CHERP: variants seen among roughly 807,000 people sequenced by gnomAD.
The protein encoded by CHERP is ERPROT 213-21.
A neutral mutation model predicts 113.8 loss-of-function variants in CHERP; 8 were observed. The observed-to-expected ratio is 0.07, with a 90% CI of 0.04 to 0.13. The LOEUF is 0.13. CHERP is among the 10% of genes least tolerant of loss of function. CHERP has a pLI of 1.00. For missense variants in CHERP, 884 were observed against 1,298.2 expected, an observed-to-expected ratio of 0.68 and a Z score of 4.90; for synonymous variants, 559 against 524.5, an observed-to-expected ratio of 1.07 and a Z score of -0.90.
chr19:16,530,513 C>T lies in CHERP; in HGVS notation c.876+72G>A, dbSNP rs555643892. Reference sequence around the variant, plus strand: ...GCTGCTGGGGTGGCAGCTGCTGTCCCCACACTCCCAAACCCTCCTGGGGAA... The same window carrying T: ...GCTGCTGGGGTGGCAGCTGCTGTCCTCACACTCCCAAACCCTCCTGGGGAA... On this transcript the variant is annotated intron_variant, in intron 7 of 16. Coordinates refer to ENST00000546361, the MANE Select transcript of CHERP (RefSeq NM_006387.6). This position sits in a 1 kb window ranked among gnomAD's most constrained non-coding sequence, Gnocchi z 4.1. 44 of 1,435,506 alleles carry T rather than the reference C, an allele frequency of 3.1e-5. No individual in the cohort carries two copies. In the East Asian group the frequency reaches 9.6e-4, roughly 31 times the overall value. 88.9% of individuals were successfully genotyped at this position (1,435,506 alleles called of 1,614,324 possible).
intron 2 of CHERP, among the ~76,000 whole-genome samples, chr19:16,538,415 T>C (rs2085755488): frequency 6.6e-6 from 1 of 152,224 alleles, no homozygotes; most frequent in South Asian, 2.1e-4. Context: ...CTGGGTACGA[T>C]GGCTCACGCC....
chr19:16,520,928 T>G lies in CHERP; in HGVS notation c.2115-16A>C, dbSNP rs774646777. ...CCAGCCTTCACTGTAAGACACGGCATTCCGTGTGTGACCACGTGACACCCA... is the reference window on the plus strand; with the variant it reads ...CCAGCCTTCACTGTAAGACACGGCAGTCCGTGTGTGACCACGTGACACCCA... On this transcript the variant is annotated splice_polypyrimidine_tract_variant and intron_variant, in intron 12 of 16. Coordinates refer to ENST00000546361, the MANE Select transcript of CHERP (RefSeq NM_006387.6). The surrounding 1 kb of genome is among the most constrained non-coding windows in gnomAD (Gnocchi z 4.0). 3 of 1,611,440 alleles carry G rather than the reference T, an allele frequency of 1.9e-6. No homozygotes were observed. The Admixed American group carries it at 5.0e-5, about 27-fold the overall frequency.
chr19:16,521,023 G>A (rs958791244), intron 12 of CHERP, 111 bp from the exon 13 acceptor site: 4 of 922,034 alleles, frequency 4.3e-6, no homozygotes, highest in Non-Finnish European at 7.0e-6. Context: ...ATGGCCCTGT[G>A]GCTGTGGGCT....
At chr19:16,521,768 C>A in intron 11 of CHERP, 114 bp from the exon 12 acceptor site, 1 of 1,014,248 alleles carries the variant, frequency 9.9e-7, no homozygotes, top group East Asian at 3.0e-5. Context: ...CAAGGGTACC[C>A]TGGGCACCAG....
At chr19:16,541,354 C>G (rs1355842284) in intron 2 of CHERP, 1 of 152,524 alleles carries the variant, frequency 6.6e-6, no homozygotes, top group Non-Finnish European at 1.5e-5. Context: ...CTTTAAACTT[C>G]TTTAGAGCAG....
At chr19:16,524,126 T>C (rs1346345463) in intron 10 of CHERP, among the ~76,000 whole-genome samples, 1 of 151,582 alleles carries the variant, frequency 6.6e-6, no homozygotes, top group Non-Finnish European at 1.5e-5. Flanking sequence ...GACTGATGCC[T>C]GTAATCCCAG....
In CHERP at chr19:16,525,681, C is replaced by A; in HGVS notation, c.1306-4G>T. 1 of 1,507,296 alleles carries A rather than the reference C, an allele frequency of 6.6e-7. No individual in the cohort carries two copies. The highest frequency in any genetic ancestry group is 1.4e-5 in the African/African-American group (1 of 72,254). The allele number at this position is 1,507,296 out of a possible 1,614,324, so 93.4% of individuals were successfully genotyped here. On this transcript the variant is annotated splice_polypyrimidine_tract_variant and splice_region_variant and intron_variant, in intron 9 of 16. Transcript: ENST00000546361. This position sits in a 1 kb window ranked among gnomAD's most constrained non-coding sequence, Gnocchi z 6.5. The stretch of plus-strand genomic sequence containing the variant: ...GGTAGGGTGGCTGCTCTGGCGGCTG[C>A]AAGGGAAGGGACAGGCTTGAGCCCT...
Position 16,520,477 on chromosome 19 carries a change from C to G in CHERP, c.2232G>C (p.Lys744Asn). The change falls in exon 14 of 17, where the codon AAG (lysine) becomes AAC (asparagine). Residue 744 changes from lysine to asparagine, a missense_variant. Lys to Asn is a moderately conservative substitution (Grantham distance 94). Transcript: ENST00000546361. This position sits in a 1 kb window ranked among gnomAD's most constrained non-coding sequence, Gnocchi z 4.0. ...SGPSRSRSRS[K>N]SRGRSSSRSN... is the part of the protein sequence containing the mutation. ...AGCGGGAGGAAGAACGCCCTCGACT[C>G]TTGGATCTGCTCCGAGACCTCGAGG... The G allele has an allele frequency of 6.2e-7, 1 of 1,614,014 alleles. No individual in the cohort carries two copies. The highest frequency in any genetic ancestry group is 8.5e-7 in the Non-Finnish European group (1 of 1,179,992).
At chr19:16,524,672 G>C (rs1452366258) in intron 10 of CHERP, among the ~76,000 whole-genome samples, 2 of 152,056 alleles carry the variant, frequency 1.3e-5, no homozygotes, top group African/African-American at 2.4e-5. Flanking sequence ...ATGACTGCTT[G>C]AGCTCAGGAG....
rs1172755699 is a variant in CHERP at position 16,532,639 on chromosome 19, C to G, written c.633G>C (p.Arg211=). The stretch of plus-strand genomic sequence containing the variant: ...CATTGATCAGGTAGATGAGGTGCAG[C>G]CGCAGCTCGAAGTGTGCCCCATCAG... ...ITADGAHFEL[R]LHLIYLINDV... The change falls in exon 5 of 17, where the codon CGG becomes CGC. Residue 211 remains arginine, a synonymous_variant. Transcript: ENST00000546361. The surrounding 1 kb of genome is among the most constrained non-coding windows in gnomAD (Gnocchi z 4.4). 6.2e-7 allele frequency: 1 copy of G among 1,611,756 alleles called. No homozygotes were observed. The highest frequency in any genetic ancestry group is 8.5e-7 in the Non-Finnish European group (1 of 1,179,712).
At chr19:16,524,372 T>C (rs559242995) in intron 10 of CHERP, among the ~76,000 whole-genome samples, 6 of 151,894 alleles carry the variant, frequency 4.0e-5, no homozygotes, top group South Asian at 4.2e-4. Flanking sequence ...CTGGGCAACA[T>C]GGTGAAACCC....
chr19:16,529,603 G>A lies in CHERP; in HGVS notation c.1129+45C>T. On this transcript the variant is annotated intron_variant, in intron 8 of 16. Coordinates refer to ENST00000546361, the MANE Select transcript of CHERP (RefSeq NM_006387.6). ...TGACTACACTCGGTGCCCAGCCTCT[G>A]GGGGCTGTTTCCTGGGGGCAGGCTG... 6 of 1,525,628 alleles carry A rather than the reference G, an allele frequency of 3.9e-6. No individual in the cohort carries two copies. The South Asian group carries it at 7.2e-5, about 18-fold the overall frequency. 94.5% of individuals were successfully genotyped at this position (1,525,628 alleles called of 1,614,324 possible).
At position 16,523,186 on chromosome 19, in the gene CHERP, G is replaced by T. The variant is rs2085633055; in HGVS notation, c.1846C>A (p.Pro616Thr). The T allele has an allele frequency of 1.3e-6, 2 of 1,575,890 alleles. No individual in the cohort carries two copies. The highest frequency in any genetic ancestry group is 2.8e-5 in the African/African-American group (2 of 72,044). Residue 616 changes from proline (P) to threonine (T), a missense_variant, in exon 11 of 17, where the codon CCC becomes ACC. This residue lies in a region of CHERP where 464 missense variants were observed against 590.1 expected (regional missense o/e 0.79). Transcript: ENST00000546361. This position sits in a 1 kb window ranked among gnomAD's most constrained non-coding sequence, Gnocchi z 4.0. ...GGGGGCTGCCCGTTGAAGCCATGGG[G>T]GGGAGGGCCGAAGTCAGGGTGCTGG... Reference protein sequence around the residue: ...GPQHPDFGPPPHGFNGQPPHM... With the variant: ...GPQHPDFGPPTHGFNGQPPHM...
intron 8 of CHERP, 85 bp from the exon 9 acceptor site, chr19:16,528,340 C>T: frequency 7.3e-7 from 1 of 1,371,268 alleles, no homozygotes; most frequent in African/African-American, 1.5e-5. Context: ...GCAAACCAGG[C>T]TACCGCTTTT....
At chr19:16,527,943 C>T in intron 9 of CHERP, 137 bp downstream of exon 9, 4 of 880,608 alleles carry the variant, frequency 4.5e-6, no homozygotes, top group Non-Finnish European at 7.0e-6. Flanking sequence ...TGTCACTAAC[C>T]CAGCATAAGC....
chr19:16,540,098 CT>C (rs1281997880), intron 2 of CHERP: 3 of 152,240 alleles, frequency 2.0e-5, no homozygotes, highest in Non-Finnish European at 4.4e-5. Flanking sequence ...TGGAGTTTCG[CT>C]GTCTCCCAGG....
chr19:16,525,785 T>C lies in CHERP; in HGVS notation c.1306-108A>G. 2 of 1,094,048 alleles carry C rather than the reference T, an allele frequency of 1.8e-6. No individual in the cohort carries two copies. 67.8% of individuals were successfully genotyped at this position (1,094,048 alleles called of 1,614,324 possible). A position where few individuals can be genotyped will look rare whatever the true frequency, so the allele number is the denominator to read the frequency against. On this transcript the variant is annotated intron_variant, in intron 9 of 16. Transcript: ENST00000546361. This position sits in a 1 kb window ranked among gnomAD's most constrained non-coding sequence, Gnocchi z 6.5. ...GCGCTGGCTCAGACCATGGAGGCGC[T>C]GCCCTGGCCACGTTGAGGCGCCTCC... is the stretch of plus-strand genomic sequence containing the variant.
In CHERP at chr19:16,533,008, C is replaced by A; in HGVS notation, c.522+3G>T. Reference sequence around the variant, plus strand: ...TGGGCTCTGGGAAGTGCTGGCCCCTCACCGAGATGGCGTCCTTGGTGCACG... The same window carrying A: ...TGGGCTCTGGGAAGTGCTGGCCCCTAACCGAGATGGCGTCCTTGGTGCACG... On this transcript the variant is annotated splice_donor_region_variant and intron_variant, in intron 4 of 16. Coordinates refer to ENST00000546361, the MANE Select transcript of CHERP (RefSeq NM_006387.6). The A allele has an allele frequency of 6.4e-7, 1 of 1,564,564 alleles. No individual in the cohort carries two copies.
In CHERP at chr19:16,532,516, C is replaced by T. The variant is rs190384812; in HGVS notation, c.674+82G>A. Reference sequence around the variant, plus strand: ...CTCGGGACAGGCCAAGCCAAGCTACCGACCGGAGCAAGCGGCCACCCAGGA... The same window carrying T: ...CTCGGGACAGGCCAAGCCAAGCTACTGACCGGAGCAAGCGGCCACCCAGGA... On this transcript the variant is annotated intron_variant, in intron 5 of 16. Transcript: ENST00000546361. The surrounding 1 kb of genome is among the most constrained non-coding windows in gnomAD (Gnocchi z 4.4). 898 of 1,446,718 alleles carry T rather than the reference C, an allele frequency of 6.2e-4. 2 individuals carry two copies. The African/African-American group carries it at 8.0e-3, about 13-fold the overall frequency. 89.6% of individuals were successfully genotyped at this position (1,446,718 alleles called of 1,614,324 possible). A position where few individuals can be genotyped will look rare whatever the true frequency, so the allele number is the denominator to read the frequency against.
Sources: gnomAD v4.1 joint callset for allele counts (sites outside exome capture counted in the v4.1 genomes callset) on GRCh38, gnomAD v4.1.1 for gene constraint, gnomAD v4.1.1 regional missense constraint, Gnocchi (gnomAD v3.1) non-coding constraint, MANE v1.5 for transcripts, NCBI Gene and HGNC (gene_info 2026-07-23, HGNC 2026-07-21) for gene names.